TMEM117: variants seen among roughly 807,000 people sequenced by gnomAD.
TMEM117 encodes transmembrane protein 117.
A neutral mutation model predicts 52.4 loss-of-function variants in TMEM117; 27 were observed. The observed-to-expected ratio is 0.51, with a 90% CI of 0.38 to 0.71. The LOEUF is 0.71. Among genes scored for constraint, TMEM117 ranks in the 30% least tolerant of loss-of-function variants. The pLI, the probability that TMEM117 is intolerant of heterozygous loss-of-function variation, is 0.00. For synonymous variants in TMEM117, 215 were observed against 206.3 expected (o/e 1.04, Z -0.36); for missense variants, 556 against 630.5 (o/e 0.88, Z 1.26).
At chr12:44,077,677 A>G (rs1378359591) in intron 3 of TMEM117, among the ~76,000 whole-genome samples, 3 of 152,020 alleles carry the variant, frequency 2.0e-5, no homozygotes, top group Non-Finnish European at 2.9e-5. Context: ...TTTTTATATG[A>G]AGGGATTCCT....
intron 6 of TMEM117, among the ~76,000 whole-genome samples, chr12:44,357,805 A>G (rs1381509577): frequency 1.3e-5 from 2 of 152,116 alleles, no homozygotes; most frequent in African/African-American, 2.4e-5. Flanking sequence ...TTGACCCAGA[A>G]ATTCCATTAC....
chr12:44,131,111 C>G (rs1404759694), intron 3 of TMEM117, among the ~76,000 whole-genome samples: 1 of 152,002 alleles, frequency 6.6e-6, no homozygotes, highest in Non-Finnish European at 1.5e-5. Context: ...TTTAATCATT[C>G]AGTTTTAGCA....
intron 3 of TMEM117, among the ~76,000 whole-genome samples, chr12:44,103,366 G>A (rs1947896937): frequency 6.6e-6 from 1 of 151,650 alleles, no homozygotes; most frequent in Non-Finnish European, 1.5e-5. Context: ...ATTACTCTGG[G>A]GAGCAAGAAG....
chr12:44,148,480 A>AT (rs1466965903), intron 4 of TMEM117, among the ~76,000 whole-genome samples: 20 of 152,352 alleles, frequency 1.3e-4, no homozygotes, highest in African/African-American at 4.8e-4. Context: ...TTTTAGAAAT[A>AT]TATTTTACCT....
At chr12:43,906,847 C>A (rs755181121) in intron 2 of TMEM117, among the ~76,000 whole-genome samples, 1 of 151,428 alleles carries the variant, frequency 6.6e-6, no homozygotes, top group Non-Finnish European at 1.5e-5. Flanking sequence ...AGGGTCCTAC[C>A]CCCACGGAGT....
intron 3 of TMEM117, among the ~76,000 whole-genome samples, chr12:44,121,433 C>T (rs1948232710): frequency 1.3e-5 from 2 of 152,130 alleles, no homozygotes; most frequent in South Asian, 2.1e-4. Context: ...ATTCCTCCTC[C>T]TCAGCCAAGT....
At chr12:43,903,627 G>T (rs536350187) in intron 2 of TMEM117, among the ~76,000 whole-genome samples, 1 of 152,122 alleles carries the variant, frequency 6.6e-6, no homozygotes, top group Admixed American at 6.6e-5. Context: ...TAAGATGTGG[G>T]TTTAGGGGAA....
intron 1 of TMEM117, among the ~76,000 whole-genome samples, chr12:43,842,793 A>G (rs957820724): frequency 1.3e-5 from 2 of 152,168 alleles, no homozygotes; most frequent in African/African-American, 4.8e-5. Flanking sequence ...GATATATTAC[A>G]GAGTTATTAT....
intron 6 of TMEM117, among the ~76,000 whole-genome samples, chr12:44,370,393 A>G (rs935362605): frequency 1.3e-5 from 2 of 152,176 alleles, no homozygotes; most frequent in African/African-American, 4.8e-5. Context: ...TTTTAATAAT[A>G]ATTAATGTAA....
chr12:44,122,368 A>G (rs772852847), intron 3 of TMEM117, among the ~76,000 whole-genome samples: 22 of 151,982 alleles, frequency 1.4e-4, no homozygotes, highest in Non-Finnish European at 2.5e-4. Context: ...GTGGCTGTGT[A>G]GTATTTCATG....
intron 5 of TMEM117, among the ~76,000 whole-genome samples, chr12:44,292,262 G>C (rs558616624): frequency 5.9e-5 from 9 of 151,982 alleles, no homozygotes; most frequent in African/African-American, 1.4e-4. Context: ...ATTCGGAGTA[G>C]TCTCTTATGA....
chr12:44,184,572 A>G (rs1949250642), intron 4 of TMEM117, among the ~76,000 whole-genome samples: 1 of 152,120 alleles, frequency 6.6e-6, no homozygotes, highest in Non-Finnish European at 1.5e-5. Context: ...CCAAGCAGGC[A>G]GCCTCTAGAA....
At chr12:44,256,859 T>C (rs1950265448) in intron 5 of TMEM117, among the ~76,000 whole-genome samples, 1 of 151,832 alleles carries the variant, frequency 6.6e-6, no homozygotes, top group African/African-American at 2.4e-5. Context: ...CCTGTCTCAG[T>C]ATATAATGAT....
At chr12:44,218,655 T>C (rs1452532952) in intron 5 of TMEM117, among the ~76,000 whole-genome samples, 1 of 152,116 alleles carries the variant, frequency 6.6e-6, no homozygotes, top group African/African-American at 2.4e-5. Flanking sequence ...AACAAACAAG[T>C]CCAAATTGTT....
intron 3 of TMEM117, among the ~76,000 whole-genome samples, chr12:44,067,086 C>T (rs1315882672): frequency 6.6e-6 from 1 of 151,842 alleles, no homozygotes; most frequent in Non-Finnish European, 1.5e-5. Flanking sequence ...TTATAAGAAG[C>T]AACTCATCAT....
At chr12:44,366,214 A>G (rs1234597575) in intron 6 of TMEM117, among the ~76,000 whole-genome samples, 1 of 152,058 alleles carries the variant, frequency 6.6e-6, no homozygotes, top group African/African-American at 2.4e-5. Flanking sequence ...TCTATAAAAC[A>G]TATTTGCTGT....
chr12:44,127,452 A>G (rs1260023121), intron 3 of TMEM117, among the ~76,000 whole-genome samples: 5 of 152,092 alleles, frequency 3.3e-5, no homozygotes, highest in Non-Finnish European at 7.4e-5. Context: ...CGAGGGGAGC[A>G]AATCACCTGA....
chr12:43,904,081 T>C (rs1283136704), intron 2 of TMEM117, among the ~76,000 whole-genome samples: 1 of 152,210 alleles, frequency 6.6e-6, no homozygotes, highest in Non-Finnish European at 1.5e-5. Context: ...AGTATTTTGA[T>C]TTTTCTAAGA....
chr12:44,273,569 A>C (rs570359319), intron 5 of TMEM117, among the ~76,000 whole-genome samples: 68 of 152,194 alleles, frequency 4.5e-4, no homozygotes, highest in Admixed American at 1.0e-3. Context: ...AATTCTCAAC[A>C]TAATACTAGC....
Sources: allele counts gnomAD v4.1 joint callset (sites outside exome capture counted in the v4.1 genomes callset), GRCh38; gene constraint gnomAD v4.1.1; transcripts MANE v1.5; gene names NCBI Gene and HGNC (gene_info 2026-07-23, HGNC 2026-07-21).